SDHAF4: variants seen among roughly 807,000 people sequenced by gnomAD.
SDHAF4 encodes succinate dehydrogenase assembly factor 4, mitochondrial.
In SDHAF4, 14 loss-of-function variants were observed where a neutral mutation model predicts 14.3. The ratio of observed to expected loss-of-function variants is 0.98; its 90% CI spans 0.65 to 1.53. SDHAF4 has a LOEUF of 1.53. Among genes scored for constraint, SDHAF4 ranks in the 40% most tolerant of loss-of-function variants. The pLI is 0.00. For synonymous variants in SDHAF4, 63 were observed against 47.3 expected, an observed-to-expected ratio of 1.33 and a Z score of -1.36; for missense variants, 141 against 129.3, an observed-to-expected ratio of 1.09 and a Z score of -0.44.
At chr6:70,587,168 TCACACACACACACA>T (rs56012930) in intron 2 of SDHAF4, among the ~76,000 whole-genome samples, 1 of 135,448 alleles carries the variant, frequency 7.4e-6, no homozygotes, top group Non-Finnish European at 1.6e-5. Flanking sequence ...TGAAACTCCA[TCACACACACACACA>T]CACACACACA....
downstream of SDHAF4, among the ~76,000 whole-genome samples, chr6:70,593,995 G>A (rs1765280909): frequency 1.3e-5 from 2 of 152,168 alleles, no homozygotes; most frequent in South Asian, 4.1e-4. Flanking sequence ...GCGCCTGGCT[G>A]AGCTTCAAGA....
Position 70,584,258 on chromosome 6 carries a change from G to A in SDHAF4, c.218-4357G>A, listed in dbSNP as rs6901230. Among the ~76,000 whole-genome samples, 627 of 152,186 alleles carry A rather than the reference G, an allele frequency of 4.1e-3. 4 individuals carry two copies. Among genetic ancestry groups the A allele is most frequent in the African/African-American group, 0.014 (592 of 41,514 alleles). ...TCTCGAACTGCTGACCTCGTGATCC[G>A]CTCGCCTCGGCCTCCCACAGTGCTG... On this transcript the variant is annotated intron_variant, in intron 2 of 2. Transcript: ENST00000370474.
rs761014846 is a variant in SDHAF4, at chr6:70,566,988, G to T, written c.48G>T (p.Thr16=). ...GGTTGCTTAGCTGGGTCTCGGCCACGGCGTGGAGAGCGGCAAGTAAGCACC... is the reference window on the plus strand; with the variant it reads ...GGTTGCTTAGCTGGGTCTCGGCCACTGCGTGGAGAGCGGCAAGTAAGCACC... ...LPWLLSWVSA[T]AWRAARSPLL... is the part of the protein sequence containing the mutation. Residue 16 remains threonine, a synonymous_variant, in exon 1 of 3, where the codon ACG becomes ACT. Coordinates refer to ENST00000370474, the MANE Select transcript of SDHAF4 (RefSeq NM_145267.3). The T allele has an allele frequency of 1.6e-5, 26 of 1,590,314 alleles. No individual in the cohort carries two copies. Among genetic ancestry groups the T allele is most frequent in the Admixed American group, 7.1e-5 (4 of 56,564 alleles).
the SDHAF4 span, among the ~76,000 whole-genome samples, chr6:70,595,127 C>A: frequency 6.6e-5 from 10 of 152,096 alleles, no homozygotes; most frequent in Admixed American, 5.9e-4. Context: ...GTGTACAGAT[C>A]TGGAATAATG....
intron 2 of SDHAF4, among the ~76,000 whole-genome samples, chr6:70,585,009 G>A (rs1481778766): frequency 6.6e-6 from 1 of 152,192 alleles, no homozygotes; most frequent in Non-Finnish European, 1.5e-5. Context: ...AAAAAGGAAA[G>A]GCTATAGAGG....
chr6:70,582,304 A>G (rs1765140734), intron 2 of SDHAF4, among the ~76,000 whole-genome samples: 1 of 152,056 alleles, frequency 6.6e-6, no homozygotes, highest in Admixed American at 6.6e-5. Flanking sequence ...GGCTCAAACG[A>G]TCTTCCCACC....
chr6:70,567,315 A>G (rs117705757), intron 1 of SDHAF4: 6,180 of 390,920 alleles, frequency 0.016, 62 homozygotes, highest in Non-Finnish European at 0.019. Flanking sequence ...GGGAGCTCGC[A>G]GGGCACACCG....
At chr6:70,583,787 A>G (rs1765168341) in intron 2 of SDHAF4, among the ~76,000 whole-genome samples, 1 of 152,228 alleles carries the variant, frequency 6.6e-6, no homozygotes, top group Non-Finnish European at 1.5e-5. Context: ...GGCCACATGC[A>G]GCCCGTGGAC....
rs112556120 is a variant in SDHAF4, at chr6:70,587,115, G to A, written c.218-1500G>A. On this transcript the variant is annotated intron_variant, in intron 2 of 2. Coordinates refer to ENST00000370474, the MANE Select transcript of SDHAF4 (RefSeq NM_145267.3). ...GAACCCTGGAGGCGGAGGTTGCAGT[G>A]AGCCGAGATCATGCCATTGCACTCC... Among the ~76,000 whole-genome samples, 613 of 151,414 alleles carry A rather than the reference G, an allele frequency of 4.0e-3. 2 individuals are homozygous for A. The highest frequency in any genetic ancestry group is 0.014 in the African/African-American group (593 of 41,152).
intron 2 of SDHAF4, among the ~76,000 whole-genome samples, chr6:70,582,153 C>T (rs1765138771): frequency 6.6e-6 from 1 of 152,064 alleles, no homozygotes. Flanking sequence ...CTCACTGCAC[C>T]CTCAACCTCC....
At chr6:70,592,173 T>A (rs907304324), downstream of SDHAF4, among the ~76,000 whole-genome samples, 1 of 152,232 alleles carries the variant, frequency 6.6e-6, no homozygotes, top group Admixed American at 6.5e-5. Context: ...AATTACCCAG[T>A]ATCAGGTATT....
chr6:70,568,962 C>CTTTTTTT lies in SDHAF4; in HGVS notation c.64+1973_64+1979dup, dbSNP rs5877254. Among the ~76,000 whole-genome samples, 262 of 97,960 alleles carry CTTTTTTT rather than the reference C, an allele frequency of 2.7e-3. 1 individual carries two copies. The highest frequency in any genetic ancestry group is 6.5e-3 in the Middle Eastern group (1 of 154). The allele number at this position is 97,960 out of a possible 152,430, so 64.3% of individuals were successfully genotyped here. A position where few individuals can be genotyped will look rare whatever the true frequency, so the allele number is the denominator to read the frequency against. ...TTTGTGAAATACCTCTTTCTTTTTT[C>CTTTTTTT]TTTTTTTTTTTTTTTTTTTTTGAGG... On this transcript the variant is annotated intron_variant, in intron 1 of 2. Transcript: ENST00000370474.
At chr6:70,577,356 T>C (rs563928464) in intron 1 of SDHAF4, among the ~76,000 whole-genome samples, 6 of 147,686 alleles carry the variant, frequency 4.1e-5, no homozygotes, top group African/African-American at 1.5e-4. Flanking sequence ...GTACTCAAAT[T>C]GATCTGCTTC....
At chr6:70,581,821 G>T (rs1203695847) in intron 2 of SDHAF4, among the ~76,000 whole-genome samples, 1 of 151,948 alleles carries the variant, frequency 6.6e-6, no homozygotes, top group Admixed American at 6.6e-5. Context: ...TGTTACCCAG[G>T]CTGGCCTCAA....
At chr6:70,583,419 G>C (rs1018690957) in intron 2 of SDHAF4, among the ~76,000 whole-genome samples, 1 of 152,094 alleles carries the variant, frequency 6.6e-6, no homozygotes, top group South Asian at 2.1e-4. Flanking sequence ...GGCCGGAAAA[G>C]TAAAATTTTT....
chr6:70,566,940 C>A lies in SDHAF4; in HGVS notation c.-1C>A, dbSNP rs753032870. ...GCGCGGAGGCTCGGGGAGTCGGCGC[C>A]ATGACCCCATCGAGGCTTCCCTGGT... is the stretch of plus-strand genomic sequence containing the variant. On this transcript the variant is annotated 5_prime_UTR_variant, in exon 1 of 3. Coordinates refer to ENST00000370474, the MANE Select transcript of SDHAF4 (RefSeq NM_145267.3). 6.3e-7 allele frequency: 1 copy of A among 1,581,838 alleles called. No individual in the cohort carries two copies. Among genetic ancestry groups the A allele is most frequent in the Non-Finnish European group, 8.6e-7 (1 of 1,163,932 alleles).
chr6:70,597,440 C>T, the SDHAF4 span, among the ~76,000 whole-genome samples: 2 of 151,910 alleles, frequency 1.3e-5, no homozygotes, highest in Non-Finnish European at 1.5e-5. Context: ...TGAGGCACCG[C>T]ATCAGGCCAC....
At chr6:70,585,250 T>A (rs956654196) in intron 2 of SDHAF4, among the ~76,000 whole-genome samples, 4 of 152,248 alleles carry the variant, frequency 2.6e-5, no homozygotes, top group South Asian at 2.1e-4. Flanking sequence ...CACTTTGTGT[T>A]ATTTACATGA....
intron 1 of SDHAF4, among the ~76,000 whole-genome samples, chr6:70,569,949 AT>A (rs905881446): frequency 5.9e-5 from 9 of 151,748 alleles, no homozygotes; most frequent in South Asian, 2.1e-4. Context: ...ACCAGTTTTC[AT>A]TTTTTTTCAT....
Sources: gnomAD v4.1 joint callset for allele counts (sites outside exome capture counted in the v4.1 genomes callset) on GRCh38, gnomAD v4.1.1 for gene constraint, MANE v1.5 for transcripts, NCBI Gene and HGNC (gene_info 2026-07-23, HGNC 2026-07-21) for gene names.